The following DOCK6 variants were observed in gnomAD, a reference collection of about 807,000 sequenced individuals.
DOCK6 encodes dedicator of cytokinesis protein 6.
Under a neutral mutation model 230.3 loss-of-function variants are expected in DOCK6, and 167 were observed. The ratio of observed to expected loss-of-function variants is 0.73; its 90% CI spans 0.64 to 0.82. The LOEUF (loss-of-function observed/expected upper bound fraction) is 0.82. DOCK6 is among the 40% of genes least tolerant of loss of function. The pLI is 0.00. For missense variants in DOCK6, 2,598 were observed against 2,825.8 expected, an observed-to-expected ratio of 0.92 and a Z score of 1.83; for synonymous variants, 1,148 against 1,185.0, an observed-to-expected ratio of 0.97 and a Z score of 0.64.
chr19:11,201,854 T>TCCCCC lies in DOCK6; in HGVS notation c.5688+34_5688+35insGGGGG. On this transcript the variant is annotated intron_variant, in intron 44 of 47. Coordinates refer to ENST00000294618, the MANE Select transcript of DOCK6 (RefSeq NM_020812.4). The surrounding 1 kb of genome is among the most constrained non-coding windows in gnomAD (Gnocchi z 4.3). ...TCCCAGGGTCTGATGTCCCCTCACC[T>TCCCCC]CCCCACCCCCGCCAGGCCCAGGATC... The TCCCCC allele has an allele frequency of 4.1e-6, 3 of 728,278 alleles. No homozygotes were observed. The highest frequency in any genetic ancestry group is 6.1e-6 in the Non-Finnish European group (3 of 488,468). The allele number at this position is 728,278 out of a possible 1,614,324, so 45.1% of individuals were successfully genotyped here.
rs1385795637 is a variant in DOCK6 at position 11,236,312 on chromosome 19, G to T, written c.2392+34C>A. 5 of 1,515,304 alleles carry T rather than the reference G, an allele frequency of 3.3e-6. No individual in the cohort carries two copies. In the South Asian group the frequency reaches 4.9e-5, roughly 15 times the overall value. The allele number at this position is 1,515,304 out of a possible 1,614,324, so 93.9% of individuals were successfully genotyped here. On this transcript the variant is annotated intron_variant, in intron 20 of 47. Transcript: ENST00000294618. This position sits in a 1 kb window ranked among gnomAD's most constrained non-coding sequence, Gnocchi z 5.2. ...CTCAGGACTGAGAAGCCATGTGGATGGGGAAACTGAGGTCTGAGGCCACAT... is the reference window on the plus strand; with the variant it reads ...CTCAGGACTGAGAAGCCATGTGGATTGGGAAACTGAGGTCTGAGGCCACAT...
Position 11,201,664 on chromosome 19 carries a change from C to T in DOCK6, c.5688+225G>A, listed in dbSNP as rs1256263350. ...CTGGGTCTGGAATCCCTGGGCCACC[C>T]TGGGTCTGGGGTCCCTGCATCTTGC... On this transcript the variant is annotated intron_variant, in intron 44 of 47. Coordinates refer to ENST00000294618, the MANE Select transcript of DOCK6 (RefSeq NM_020812.4). The surrounding 1 kb of genome is among the most constrained non-coding windows in gnomAD (Gnocchi z 4.3). 6.6e-6 allele frequency among the ~76,000 whole-genome samples: 1 copy of T among 151,874 alleles called. No homozygotes were observed. The highest frequency in any genetic ancestry group is 1.5e-5 in the Non-Finnish European group (1 of 67,920).
chr19:11,234,966 AG>A (rs1403408697), intron 21 of DOCK6, among the ~76,000 whole-genome samples: 1 of 151,118 alleles, frequency 6.6e-6, no homozygotes, highest in Non-Finnish European at 1.5e-5. Context: ...TTTTTGAAAC[AG>A]GGTCTTGCTC....
intron 22 of DOCK6, among the ~76,000 whole-genome samples, chr19:11,229,681 T>C (rs573323933): frequency 6.6e-6 from 1 of 151,620 alleles, no homozygotes; most frequent in East Asian, 1.9e-4. Flanking sequence ...AAAGAGTCGC[T>C]GGAGAGAGCT....
chr19:11,252,850 C>G lies in DOCK6; in HGVS notation c.241G>C (p.Asp81His). ...PLRDLVEFPA[D>H]DLELLLQPRE... ...GGCTGCAGCAGCAGCTCCAAGTCAT[C>G]AGCTGGGAATTCTACCAGGTCCCTG... The change falls in exon 3 of 48, where the codon GAT becomes CAT. Residue 81 changes from aspartate to histidine, a missense_variant. Coordinates refer to ENST00000294618, the MANE Select transcript of DOCK6 (RefSeq NM_020812.4). 1 of 1,613,908 alleles carries G rather than the reference C, an allele frequency of 6.2e-7. No homozygotes were observed. The highest frequency in any genetic ancestry group is 8.5e-7 in the Non-Finnish European group (1 of 1,179,844).
At position 11,250,877 on chromosome 19, in the gene DOCK6, G is replaced by A. The variant is rs374782033; in HGVS notation, c.717C>T (p.Asp239=). 7.5e-6 allele frequency: 12 copies of A among 1,592,828 alleles called. No homozygotes were observed. The highest frequency in any genetic ancestry group is 2.7e-5 in the African/African-American group (2 of 74,556). ...PALLTLYPAP[D]EDEAVERCSR... The stretch of plus-strand genomic sequence containing the variant: ...ATATCTGGGAAGGGGCACCCACCTC[G>A]TCAGGTGCCGGGTAGAGGGTGAGCA... The change falls in exon 6 of 48, where the codon GAC becomes GAT. Residue 239 remains aspartate (D), a synonymous_variant. Transcript: ENST00000294618.
intron 1 of DOCK6, among the ~76,000 whole-genome samples, chr19:11,259,217 G>A (rs146489159): frequency 6.6e-6 from 1 of 152,056 alleles, no homozygotes; most frequent in East Asian, 1.9e-4. Context: ...ATCACACCTG[G>A]GTAATTTTGT....
chr19:11,244,154 A>G (rs1234525542), intron 9 of DOCK6, among the ~76,000 whole-genome samples: 1 of 150,934 alleles, frequency 6.6e-6, no homozygotes, highest in African/African-American at 2.5e-5. Context: ...TTACTTATTT[A>G]TTTACATTTA....
intron 1 of DOCK6, among the ~76,000 whole-genome samples, chr19:11,257,820 G>A (rs1361805714): frequency 6.6e-6 from 1 of 151,954 alleles, no homozygotes; most frequent in Non-Finnish European, 1.5e-5. Flanking sequence ...TATAAGCCAG[G>A]TGTTGTGGCT....
chr19:11,199,514 G>A lies in DOCK6; in HGVS notation c.6127C>T (p.Arg2043Ter), dbSNP rs191949792. 7 of 1,583,954 alleles carry A rather than the reference G, an allele frequency of 4.4e-6. No homozygotes were observed. Among genetic ancestry groups the A allele is most frequent in the East Asian group, 4.6e-5 (2 of 43,554 alleles). The change falls in exon 48 of 48, where the codon CGA becomes TGA. Residue 2043 changes from arginine (R) to a stop codon, truncating the protein, a stop_gained. Transcript: ENST00000294618. LOFTEE classifies it high-confidence loss of function. ...LRNSLNRASF[R>*]KADL ...TTGTGGGCTCAGAGGTCTGCCTTTC[G>A]GAAACTTGCTCTGTTCAAGGAGTTC...
In DOCK6 at chr19:11,214,425, T is replaced by C. The variant is rs756500018; in HGVS notation, c.4204-16A>G. ...GCATCACCGTCTGGAGGGAAGGGGG[T>C]CAGAAATCCAGGTGTTAGAGCCTAG... On this transcript the variant is annotated splice_polypyrimidine_tract_variant and intron_variant, in intron 33 of 47. Coordinates refer to ENST00000294618, the MANE Select transcript of DOCK6 (RefSeq NM_020812.4). The C allele has an allele frequency of 6.2e-7, 1 of 1,613,140 alleles. No homozygotes were observed. Among genetic ancestry groups the C allele is most frequent in the Non-Finnish European group, 8.5e-7 (1 of 1,179,754 alleles).
intron 2 of DOCK6, 61 bp from the exon 3 acceptor site, chr19:11,253,019 G>T: frequency 6.6e-7 from 1 of 1,509,988 alleles, no homozygotes. Context: ...GGGGGCACGA[G>T]GCAGGGGTGG....
chr19:11,235,465 G>A, intron 21 of DOCK6, 133 bp downstream of exon 21: 1 of 897,798 alleles, frequency 1.1e-6, no homozygotes, highest in South Asian at 1.9e-5. Context: ...TGGCCAAGTT[G>A]ATCTCGAACT....
At position 11,221,988 on chromosome 19, in the gene DOCK6, G is replaced by A; in HGVS notation, c.3413C>T (p.Ala1138Val). 5 of 1,612,590 alleles carry A rather than the reference G, an allele frequency of 3.1e-6. No individual in the cohort carries two copies. The highest frequency in any genetic ancestry group is 4.2e-6 in the Non-Finnish European group (5 of 1,178,754). The change falls in exon 28 of 48, where the codon GCT becomes GTT. Residue 1138 changes from alanine (A) to valine (V), a missense_variant. Transcript: ENST00000294618. ...AFLLHKKAISAVHSLLCGHDT... is the reference protein window; with the variant it reads ...AFLLHKKAISVVHSLLCGHDT... The stretch of plus-strand genomic sequence containing the variant: ...ATGGCCACATAGCAGGCTGTGCACA[G>A]CACTGATGGCCTTCTTGTGCAACAG...
In DOCK6 at chr19:11,237,787, A is replaced by T. The variant is rs7252321; in HGVS notation, c.1833-8T>A. On this transcript the variant is annotated splice_polypyrimidine_tract_variant and splice_region_variant and intron_variant, in intron 16 of 47. Coordinates refer to ENST00000294618, the MANE Select transcript of DOCK6 (RefSeq NM_020812.4). ...TCGTAGAACTCGGGGGACCTGGCAG[A>T]ATCGGGCTGGGGGATCTGCTGGGGG... is the stretch of plus-strand genomic sequence containing the variant. 2,140 of 1,562,424 alleles carry T rather than the reference A, an allele frequency of 1.4e-3. 26 individuals are homozygous for T. In the African/African-American group the frequency reaches 0.023, roughly 17 times the overall value.
rs117074545 is a variant in DOCK6, at chr19:11,210,011, C to T, written c.4752-908G>A. On this transcript the variant is annotated intron_variant, in intron 37 of 47. Transcript: ENST00000294618. ...CACCTGCCCATCCCTCACCTGCCCA[C>T]CTTCTCACCTGTCCACCGTCTCACC... Among the ~76,000 whole-genome samples, 170 of 134,274 alleles carry T rather than the reference C, an allele frequency of 1.3e-3. 7 individuals are homozygous for T. The East Asian group carries it at 0.034, about 27-fold the overall frequency. The allele number at this position is 134,274 out of a possible 152,430, so 88.1% of individuals were successfully genotyped here.
intron 1 of DOCK6, among the ~76,000 whole-genome samples, chr19:11,259,577 A>ATTTTTTTT (rs2080252348): frequency 4.3e-5 from 1 of 23,196 alleles, no homozygotes; most frequent in African/African-American, 8.6e-5. Flanking sequence ...TTTTTTTTTG[A>ATTTTTTTT]GATGGAGTCT....
In DOCK6 at chr19:11,243,577, C is replaced by G. The variant is rs756030338; in HGVS notation, c.1238G>C (p.Arg413Pro). 6.2e-7 allele frequency: 1 copy of G among 1,606,986 alleles called. No individual in the cohort carries two copies. Among genetic ancestry groups the G allele is most frequent in the Non-Finnish European group, 8.5e-7 (1 of 1,177,654 alleles). Residue 413 changes from arginine to proline, a missense_variant, in exon 11 of 48, where the codon CGG (arginine) becomes CCG (proline). Arg to Pro is a moderately radical substitution (Grantham distance 103, BLOSUM62 -2). Transcript: ENST00000294618. The surrounding 1 kb of genome is among the most constrained non-coding windows in gnomAD (Gnocchi z 6.3). The part of the protein sequence containing the change: ...NIVSSAGQLD[R>P]DSDSEGERRP... ...CTCACCGCCCTCCGAGTCAGAGTCC[C>G]GGTCCAGCTGCCCAGCGCTGCTCAC...
intron 41 of DOCK6, chr19:11,203,777 A>G: frequency 1.9e-6 from 1 of 528,644 alleles, no homozygotes; most frequent in Non-Finnish European, 3.3e-6. Flanking sequence ...AGAGACCATG[A>G]GGGAGTCAAG....
Sources: gnomAD v4.1 joint callset for allele counts (sites outside exome capture counted in the v4.1 genomes callset) on GRCh38, gnomAD v4.1.1 for gene constraint, Gnocchi (gnomAD v3.1) non-coding constraint, MANE v1.5 for transcripts, NCBI Gene and HGNC (gene_info 2026-07-23, HGNC 2026-07-21) for gene names.